Variants in PRDM16 observed in about 807,000 individuals in gnomAD.
PRDM16 encodes the protein histone-lysine N-methyltransferase PRDM16.
A neutral mutation model predicts 110.6 loss-of-function variants in PRDM16; 23 were observed. The observed-to-expected ratio is 0.21, with a 90% CI of 0.15 to 0.29. The LOEUF is 0.29. Ranked by LOEUF, PRDM16 falls within the 10% of genes least tolerant of loss-of-function variation. The pLI is 1.00. For missense variants in PRDM16, 1,615 were observed against 1,794.3 expected (o/e 0.90, Z 1.81); for synonymous variants, 799 against 781.8 (o/e 1.02, Z -0.37).
intron 1 of PRDM16, among the ~76,000 whole-genome samples, chr1:3,076,887 A>C (rs544586353): frequency 1.2e-4 from 18 of 152,246 alleles, no homozygotes; most frequent in Admixed American, 3.3e-4. Context: ...GAATTTAAAC[A>C]TGGGGTGATG....
At chr1:3,179,683 C>T (rs900864712) in intron 1 of PRDM16, among the ~76,000 whole-genome samples, 10 of 152,184 alleles carry the variant, frequency 6.6e-5, no homozygotes, top group Non-Finnish European at 8.8e-5. Flanking sequence ...AGGGGCCGCC[C>T]GCTCTCAAGG....
chr1:3,108,505 C>T lies in PRDM16; in HGVS notation c.37+39209C>T, dbSNP rs549457211. Among the ~76,000 whole-genome samples, 266 of 152,360 alleles carry T rather than the reference C, an allele frequency of 1.7e-3. 2 individuals are homozygous for T. Among genetic ancestry groups the T allele is most frequent in the African/African-American group, 6.1e-3 (252 of 41,592 alleles). The stretch of plus-strand genomic sequence containing the variant: ...GAGGGTCTGTCTCTCAGTTTCTCAT[C>T]TCTTTCTTCCCAATCATCAGTTGGT... On this transcript the variant is annotated intron_variant, in intron 1 of 16. Transcript: ENST00000270722.
At chr1:3,327,302 C>A (rs1017295118) in intron 3 of PRDM16, among the ~76,000 whole-genome samples, 18 of 152,226 alleles carry the variant, frequency 1.2e-4, no homozygotes, top group African/African-American at 4.3e-4. Context: ...GGCGGCACCA[C>A]AGGCCGGCTG....
chr1:3,362,595 C>A (rs1452298773), intron 3 of PRDM16, among the ~76,000 whole-genome samples: 1 of 152,184 alleles, frequency 6.6e-6, no homozygotes, highest in African/African-American at 2.4e-5. Context: ...TCGCCTGGGA[C>A]TGCCGAGGGC....
chr1:3,415,705 G>A (rs1465872674), intron 10 of PRDM16, among the ~76,000 whole-genome samples: 1 of 152,260 alleles, frequency 6.6e-6, no homozygotes, highest in Non-Finnish European at 1.5e-5. Flanking sequence ...CCCAGCGGGG[G>A]GCAGTTTCCA....
At chr1:3,150,858 G>A (rs207193) in intron 1 of PRDM16, among the ~76,000 whole-genome samples, 24 of 145,630 alleles carry the variant, frequency 1.6e-4, no homozygotes, top group African/African-American at 5.7e-4. Context: ...AGCTATGGAG[G>A]CCGGGTGGGG....
rs1643950869 is a variant in PRDM16 at position 3,165,927 on chromosome 1, T to TCAGGGACAGGGACTCACCTGGGCC, written c.38-20179_38-20178insGGGCCCAGGGACAGGGACTCACCT. Among the ~76,000 whole-genome samples, 5 of 115,078 alleles carry TCAGGGACAGGGACTCACCTGGGCC rather than the reference T, an allele frequency of 4.3e-5. 1 individual carries two copies. Among genetic ancestry groups the TCAGGGACAGGGACTCACCTGGGCC allele is most frequent in the African/African-American group, 1.6e-4 (3 of 19,014 alleles). 75.5% of individuals were successfully genotyped at this position (115,078 alleles called of 152,430 possible). On this transcript the variant is annotated intron_variant, in intron 1 of 16. Coordinates refer to ENST00000270722, the MANE Select transcript of PRDM16 (RefSeq NM_022114.4). ...CTCAGGGACAGGGACTCACCTGGGC[T>TCAGGGACAGGGACTCACCTGGGCC]CAGGGACAGGGACTCACCTTTTTTT...
chr1:3,181,115 C>T (rs1161930657), intron 1 of PRDM16, among the ~76,000 whole-genome samples: 1 of 136,064 alleles, frequency 7.3e-6, no homozygotes, highest in Admixed American at 7.5e-5. Flanking sequence ...TACACGCGGC[C>T]TTACACACGC....
intron 3 of PRDM16, among the ~76,000 whole-genome samples, chr1:3,258,941 C>A (rs192654508): frequency 1.3e-5 from 2 of 152,176 alleles, no homozygotes; most frequent in Admixed American, 1.3e-4. Context: ...CTGGGCACCC[C>A]AGAGAGCTGC....
At position 3,371,093 on chromosome 1, in the gene PRDM16, A is replaced by C. The variant is rs114919048; in HGVS notation, c.439-14059A>C. On this transcript the variant is annotated intron_variant, in intron 3 of 16. Coordinates refer to ENST00000270722, the MANE Select transcript of PRDM16 (RefSeq NM_022114.4). ...CATCCATTCAACCATCCATCCATCC[A>C]TGCATCCACTCAGTAATCCACCCAT... Among the ~76,000 whole-genome samples, 880 of 149,554 alleles carry C rather than the reference A, an allele frequency of 5.9e-3. 10 individuals are homozygous for C. Among genetic ancestry groups the C allele is most frequent in the African/African-American group, 0.021 (847 of 40,274 alleles).
intron 1 of PRDM16, among the ~76,000 whole-genome samples, chr1:3,180,715 ACC>A (rs1557506794): frequency 6.6e-6 from 1 of 151,834 alleles, no homozygotes; most frequent in African/African-American, 2.4e-5. Context: ...CAGACGGGAG[ACC>A]CTTCCTCCTG....
chr1:3,220,727 G>T (rs1222180153), intron 2 of PRDM16, among the ~76,000 whole-genome samples: 1 of 152,202 alleles, frequency 6.6e-6, no homozygotes, highest in Non-Finnish European at 1.5e-5. Context: ...GTGTGCAGGG[G>T]CCTGGCAAAC....
intron 1 of PRDM16, among the ~76,000 whole-genome samples, chr1:3,112,809 C>T (rs776666251): frequency 2.6e-5 from 4 of 152,262 alleles, no homozygotes; most frequent in Non-Finnish European, 5.9e-5. Flanking sequence ...TAATTGGAGT[C>T]GCTCAGGGAG....
chr1:3,312,885 C>T (rs991376416), intron 3 of PRDM16, among the ~76,000 whole-genome samples: 5 of 152,262 alleles, frequency 3.3e-5, no homozygotes, highest in African/African-American at 4.8e-5. Context: ...AAAACACACA[C>T]GTGTGGACAG....
At chr1:3,310,707 G>A (rs1410033222) in intron 3 of PRDM16, among the ~76,000 whole-genome samples, 1 of 152,192 alleles carries the variant, frequency 6.6e-6, no homozygotes, top group African/African-American at 2.4e-5. Context: ...CTCTTCATTT[G>A]GCCTCAGATG....
chr1:3,085,675 C>T (rs1478409724), intron 1 of PRDM16, among the ~76,000 whole-genome samples: 1 of 152,248 alleles, frequency 6.6e-6, no homozygotes, highest in Non-Finnish European at 1.5e-5. Flanking sequence ...CGCCCAGCAT[C>T]CTGCCCATGT....
chr1:3,299,320 CGTGGTG>C (rs1641159797), intron 3 of PRDM16, among the ~76,000 whole-genome samples: 1 of 100,524 alleles, frequency 9.9e-6, no homozygotes, highest in African/African-American at 3.0e-5. Context: ...AGATCCCAGT[CGTGGTG>C]ACTCTGCCCT....
intron 3 of PRDM16, chr1:3,308,882 G>A (rs576675040): frequency 6.6e-6 from 1 of 152,368 alleles, no homozygotes; most frequent in East Asian, 1.9e-4. Flanking sequence ...GCAATGTAAT[G>A]TAATTCGCCA....
intron 5 of PRDM16, among the ~76,000 whole-genome samples, chr1:3,402,360 T>C (rs1235901875): frequency 2.6e-5 from 4 of 152,264 alleles, no homozygotes; most frequent in Non-Finnish European, 4.4e-5. Flanking sequence ...GCTGCCCCCC[T>C]TTTAATTTGT....
Sources: allele counts gnomAD v4.1 joint callset (sites outside exome capture counted in the v4.1 genomes callset), GRCh38; gene constraint gnomAD v4.1.1; transcripts MANE v1.5; gene names NCBI Gene and HGNC (gene_info 2026-07-23, HGNC 2026-07-21).